DLG2: variants seen among roughly 807,000 people sequenced by gnomAD.
DLG2 encodes disks large homolog 2.
In DLG2, 45 loss-of-function variants were observed where a neutral mutation model predicts 132.5. The ratio of observed to expected loss-of-function variants is 0.34; its 90% CI spans 0.27 to 0.44. The LOEUF is 0.44. Among genes scored for constraint, DLG2 ranks in the 20% least tolerant of loss-of-function variants. The probability of loss-of-function intolerance (pLI) is 1.00; values close to 1 mark genes in which losing one functional copy is unlikely to be tolerated. For synonymous variants in DLG2, 424 were observed against 419.6 expected, an observed-to-expected ratio of 1.01 and a Z score of -0.13; for missense variants, 1,045 against 1,196.9, an observed-to-expected ratio of 0.87 and a Z score of 1.87.
intron 16 of DLG2, among the ~76,000 whole-genome samples, chr11:83,856,211 C>T (rs1361193431): frequency 6.6e-6 from 1 of 152,114 alleles, no homozygotes; most frequent in Non-Finnish European, 1.5e-5. Flanking sequence ...GTATGTACCA[C>T]ATTTTCTTTA....
intron 6 of DLG2, among the ~76,000 whole-genome samples, chr11:85,073,262 C>T (rs1328898898): frequency 1.3e-5 from 2 of 151,766 alleles, no homozygotes; most frequent in African/African-American, 4.8e-5. Context: ...CAGGTCACTC[C>T]AGGGTGTCCT....
intron 6 of DLG2, among the ~76,000 whole-genome samples, chr11:84,629,762 A>T (rs1383308320): frequency 1.3e-5 from 2 of 152,162 alleles, no homozygotes; most frequent in Non-Finnish European, 2.9e-5. Context: ...AAAGGGAAGA[A>T]GGAAAAGGCA....
chr11:84,219,201 T>C (rs893695655), intron 8 of DLG2, among the ~76,000 whole-genome samples: 6 of 152,354 alleles, frequency 3.9e-5, no homozygotes, highest in Non-Finnish European at 8.8e-5. Context: ...CCTGAGGTAT[T>C]ACAATAATTT....
chr11:84,773,939 G>A (rs1229970610), intron 6 of DLG2, among the ~76,000 whole-genome samples: 1 of 152,092 alleles, frequency 6.6e-6, no homozygotes, highest in African/African-American at 2.4e-5. Context: ...TGTAGCCAGA[G>A]TAATCAGACA....
intron 4 of DLG2, among the ~76,000 whole-genome samples, chr11:85,199,768 G>A (rs2081315083): frequency 6.6e-6 from 1 of 152,024 alleles, no homozygotes; most frequent in African/African-American, 2.4e-5. Context: ...TTAGACAGTT[G>A]TATAAATACA....
At chr11:85,317,351 G>C (rs533296651) in intron 3 of DLG2, among the ~76,000 whole-genome samples, 1 of 151,542 alleles carries the variant, frequency 6.6e-6, no homozygotes, top group East Asian at 1.9e-4. Context: ...AACTTCTCCA[G>C]CTACAAACGG....
intron 6 of DLG2, among the ~76,000 whole-genome samples, chr11:84,697,843 A>G (rs1483978206): frequency 6.6e-6 from 1 of 151,434 alleles, no homozygotes; most frequent in African/African-American, 2.4e-5. Flanking sequence ...TCATGCACAC[A>G]TCGATTATGT....
chr11:83,932,319 C>A (rs891688283), intron 14 of DLG2, among the ~76,000 whole-genome samples: 2 of 151,942 alleles, frequency 1.3e-5, no homozygotes, highest in Admixed American at 6.6e-5. Context: ...ACTGCAAACT[C>A]CGCCTCCTGG....
At chr11:84,957,665 T>G (rs563059864) in intron 6 of DLG2, among the ~76,000 whole-genome samples, 23 of 152,356 alleles carry the variant, frequency 1.5e-4, no homozygotes, top group African/African-American at 5.0e-4. Context: ...CAAATACATC[T>G]GCCTGCATCA....
At chr11:83,699,964 C>G (rs1235137805) in intron 18 of DLG2, among the ~76,000 whole-genome samples, 1 of 150,518 alleles carries the variant, frequency 6.6e-6, no homozygotes, top group South Asian at 2.1e-4. Flanking sequence ...CACACACACA[C>G]AAATACAGTT....
chr11:84,489,562 A>G (rs2099159335), intron 7 of DLG2, among the ~76,000 whole-genome samples: 1 of 152,058 alleles, frequency 6.6e-6, no homozygotes, highest in Non-Finnish European at 1.5e-5. Context: ...ACCTGTCCCC[A>G]TTTTATTATA....
chr11:85,533,055 A>G (rs939890123), intron 3 of DLG2, among the ~76,000 whole-genome samples: 1 of 152,002 alleles, frequency 6.6e-6, no homozygotes, highest in Non-Finnish European at 1.5e-5. Context: ...ACGGAGTCTC[A>G]GTCTATCACT....
At chr11:84,816,263 G>C (rs1261672953) in intron 6 of DLG2, among the ~76,000 whole-genome samples, 1 of 151,978 alleles carries the variant, frequency 6.6e-6, no homozygotes, top group African/African-American at 2.4e-5. Context: ...GAGGAGCAGA[G>C]AAAAGAAACA....
At position 84,410,662 on chromosome 11, in the gene DLG2, C is replaced by T. The variant is rs562575937; in HGVS notation, c.519+123908G>A. 3.3e-5 allele frequency among the ~76,000 whole-genome samples: 5 copies of T among 150,060 alleles called. No individual in the cohort carries two copies. In the East Asian group the frequency reaches 5.9e-4, roughly 18 times the overall value. On this transcript the variant is annotated intron_variant, in intron 7 of 27. Coordinates refer to ENST00000376104, the MANE Select transcript of DLG2 (RefSeq NM_001142699.3). ...TGGTGTGATCTGAGCTCACTGCAAC[C>T]TCTGCCTCCTAGGTTCAAGCGATTC...
intron 6 of DLG2, among the ~76,000 whole-genome samples, chr11:84,730,012 A>T (rs2062967933): frequency 6.6e-6 from 1 of 152,084 alleles, no homozygotes; most frequent in Non-Finnish European, 1.5e-5. Context: ...TTCTCATGAC[A>T]GTCACTTTCA....
intron 6 of DLG2, among the ~76,000 whole-genome samples, chr11:85,050,772 T>G (rs2062813290): frequency 6.6e-6 from 1 of 152,202 alleles, no homozygotes; most frequent in South Asian, 2.1e-4. Flanking sequence ...TCAATTTCTA[T>G]GTGGATTTCA....
intron 6 of DLG2, among the ~76,000 whole-genome samples, chr11:84,569,474 T>C (rs1482201644): frequency 6.6e-6 from 1 of 151,784 alleles, no homozygotes; most frequent in Non-Finnish European, 1.5e-5. Context: ...ATTATATGGA[T>C]AGAAAATTTA....
chr11:84,713,095 A>C (rs781088318), intron 6 of DLG2, among the ~76,000 whole-genome samples: 1 of 152,102 alleles, frequency 6.6e-6, no homozygotes, highest in Non-Finnish European at 1.5e-5. Flanking sequence ...CTTACATTCA[A>C]ATTCAGGTGT....
chr11:84,781,112 TA>T (rs2071695326), intron 6 of DLG2, among the ~76,000 whole-genome samples: 1 of 150,678 alleles, frequency 6.6e-6, no homozygotes, highest in Admixed American at 6.6e-5. Context: ...AATTTCAATC[TA>T]AGTTTGGAAC....
Sources: gnomAD v4.1 joint callset for allele counts (sites outside exome capture counted in the v4.1 genomes callset) on GRCh38, gnomAD v4.1.1 for gene constraint, MANE v1.5 for transcripts, NCBI Gene and HGNC (gene_info 2026-07-23, HGNC 2026-07-21) for gene names.